The following STIM2 variants were observed in gnomAD, a reference collection of about 807,000 sequenced individuals.
STIM2 encodes the protein stromal interaction molecule 2.
STIM2 carries 31 observed loss-of-function variants against 85.8 expected under a neutral mutation model. The observed-to-expected ratio is 0.36, with a 90% CI of 0.27 to 0.49. The LOEUF is 0.49. Ranked by LOEUF, STIM2 falls within the 20% of genes least tolerant of loss-of-function variation. The probability of loss-of-function intolerance (pLI) is 0.98; values close to 1 mark genes in which losing one functional copy is unlikely to be tolerated. For synonymous variants in STIM2, 356 were observed against 331.1 expected, an observed-to-expected ratio of 1.08 and a Z score of -0.82; for missense variants, 841 against 927.6, an observed-to-expected ratio of 0.91 and a Z score of 1.21.
At chr4:26,960,228 A>C (rs1210052579) in intron 3 of STIM2, among the ~76,000 whole-genome samples, 1 of 152,210 alleles carries the variant, frequency 6.6e-6, no homozygotes, top group African/African-American at 2.4e-5. Flanking sequence ...CTTCTGAAAA[A>C]GTTTGAAAAC....
intron 3 of STIM2, among the ~76,000 whole-genome samples, chr4:26,970,219 A>ATG (rs1352828163): frequency 5.0e-4 from 11 of 21,838 alleles, no homozygotes; most frequent in African/African-American, 1.1e-3. Context: ...ATATATATAT[A>ATG]TATGTATATA....
At position 27,015,043 on chromosome 4, in the gene STIM2, A is replaced by G. The variant is rs539581158; in HGVS notation, c.1490-2668A>G. ...TCACGTTCTTCAAAATTTTTCCATTATTAGACACTAGATATATCTCTATAA... is the reference window on the plus strand; with the variant it reads ...TCACGTTCTTCAAAATTTTTCCATTGTTAGACACTAGATATATCTCTATAA... On this transcript the variant is annotated intron_variant, in intron 10 of 11. Coordinates refer to ENST00000467087, the MANE Select transcript of STIM2 (RefSeq NM_020860.4). Among the ~76,000 whole-genome samples, 42 of 152,018 alleles carry G rather than the reference A, an allele frequency of 2.8e-4. No homozygotes were observed. In the South Asian group the frequency reaches 8.7e-3, roughly 31 times the overall value.
In STIM2 at chr4:27,017,888, C is replaced by G; in HGVS notation, c.1667C>G (p.Ser556Cys). The change falls in exon 11 of 12, where the codon TCC becomes TGC. Residue 556 changes from serine (S) to cysteine (C), a missense_variant. By Grantham distance (112) the Ser-to-Cys change is moderately radical (BLOSUM62 -1). Coordinates refer to ENST00000467087, the MANE Select transcript of STIM2 (RefSeq NM_020860.4). ...CAACACACACCACACTCCTTGCCTT[C>G]CCCTGATCCAGATATCCTCTCAGTG... is the stretch of plus-strand genomic sequence containing the variant. The G allele has an allele frequency of 1.2e-6, 2 of 1,614,186 alleles. No homozygotes were observed. The highest frequency in any genetic ancestry group is 8.5e-7 in the Non-Finnish European group (1 of 1,180,034).
intron 2 of STIM2, among the ~76,000 whole-genome samples, chr4:26,956,443 CTTTT>C (rs545865394): frequency 1.5e-5 from 2 of 135,412 alleles, no homozygotes; most frequent in Non-Finnish European, 1.6e-5. Flanking sequence ...ATTTCAATGC[CTTTT>C]TTTTTTTTTT....
chr4:26,960,118 G>A (rs1424145068), intron 3 of STIM2, among the ~76,000 whole-genome samples: 4 of 152,194 alleles, frequency 2.6e-5, no homozygotes, highest in Non-Finnish European at 5.9e-5. Flanking sequence ...GGCTCCAGGA[G>A]GAGTCCCAGG....
intron 10 of STIM2, among the ~76,000 whole-genome samples, chr4:27,014,004 A>G (rs1428752555): frequency 6.6e-6 from 1 of 151,940 alleles, no homozygotes; most frequent in East Asian, 1.9e-4. Context: ...TGAGTTTTAA[A>G]ATTTATTGGC....
intron 1 of STIM2, among the ~76,000 whole-genome samples, chr4:26,899,979 A>G (rs946764199): frequency 6.6e-5 from 10 of 152,166 alleles, no homozygotes; most frequent in African/African-American, 2.4e-4. Flanking sequence ...TGCATTTGTA[A>G]AACAAGTATC....
At chr4:26,952,728 A>G (rs1338987690) in intron 2 of STIM2, among the ~76,000 whole-genome samples, 1 of 152,162 alleles carries the variant, frequency 6.6e-6, no homozygotes, top group Non-Finnish European at 1.5e-5. Flanking sequence ...TGGGCAGTTC[A>G]TGCTTTATTA....
intron 1 of STIM2, among the ~76,000 whole-genome samples, chr4:26,864,748 A>T (rs1429866180): frequency 2.6e-5 from 4 of 152,162 alleles, no homozygotes; most frequent in Non-Finnish European, 2.9e-5. Context: ...AAGATTTAAT[A>T]TATTCTTAGT....
In STIM2 at chr4:26,994,771, C is replaced by T. The variant is rs921933085; in HGVS notation, c.398-608C>T. ...CTTTTCCTCTCTTTGGGATATTTTT[C>T]ACCCATGTCTTCACAATGGGACTCC... On this transcript the variant is annotated intron_variant, in intron 3 of 11. Coordinates refer to ENST00000467087, the MANE Select transcript of STIM2 (RefSeq NM_020860.4). Among the ~76,000 whole-genome samples the T allele has an allele frequency of 4.6e-5, 7 of 152,156 alleles. No individual in the cohort carries two copies. In the East Asian group the frequency reaches 9.7e-4, roughly 21 times the overall value.
intron 2 of STIM2, among the ~76,000 whole-genome samples, chr4:26,939,899 G>A (rs1310353553): frequency 6.6e-6 from 1 of 152,162 alleles, no homozygotes; most frequent in Admixed American, 6.5e-5. Flanking sequence ...GGCATATAAT[G>A]TCATGTATGT....
intron 2 of STIM2, among the ~76,000 whole-genome samples, chr4:26,944,470 A>C (rs535173660): frequency 6.6e-6 from 1 of 152,142 alleles, no homozygotes; most frequent in South Asian, 2.1e-4. Context: ...GTCTTGCTCT[A>C]TTCCCACCAT....
At chr4:26,864,163 A>G (rs1224037885) in intron 1 of STIM2, among the ~76,000 whole-genome samples, 1 of 152,088 alleles carries the variant, frequency 6.6e-6, no homozygotes. Flanking sequence ...TTTAAATATT[A>G]CCTTTTCAGA....
rs530053039 is a variant in STIM2 at position 26,893,027 on chromosome 4, A to C, written c.152-26477A>C. ...ATTCATCTGTTTTCTGCATGAGGTA[A>C]ACAGGTAAGTTGAATGGGGATGTGT... On this transcript the variant is annotated intron_variant, in intron 1 of 11. Coordinates refer to ENST00000467087, the MANE Select transcript of STIM2 (RefSeq NM_020860.4). 3.3e-5 allele frequency among the ~76,000 whole-genome samples: 5 copies of C among 152,304 alleles called. No homozygotes were observed. In the South Asian group the frequency reaches 1.0e-3, roughly 32 times the overall value.
chr4:27,018,619 A>G (rs559612360), intron 11 of STIM2, among the ~76,000 whole-genome samples: 2 of 152,222 alleles, frequency 1.3e-5, no homozygotes, highest in Non-Finnish European at 2.9e-5. Flanking sequence ...AAACTGGAAG[A>G]AGGTGTGTGT....
chr4:26,884,377 T>C (rs1723133651), intron 1 of STIM2, among the ~76,000 whole-genome samples: 1 of 152,220 alleles, frequency 6.6e-6, no homozygotes, highest in Non-Finnish European at 1.5e-5. Context: ...ATAATAACTC[T>C]TAGAAAGCAT....
intron 5 of STIM2, among the ~76,000 whole-genome samples, chr4:27,001,456 A>C (rs953071327): frequency 6.6e-6 from 1 of 152,188 alleles, no homozygotes; most frequent in Non-Finnish European, 1.5e-5. Flanking sequence ...GACACCTAAA[A>C]CTGAATAATT....
rs1447702609 is a variant in STIM2 at position 26,919,488 on chromosome 4, C to CT, written c.152-13dup. 3 of 1,612,436 alleles carry CT rather than the reference C, an allele frequency of 1.9e-6. No homozygotes were observed. The highest frequency in any genetic ancestry group is 2.7e-5 in the African/African-American group (2 of 74,830). ...TTGGTATGGCAAGTTAGTAATTGCC[C>CT]TTTGTTCTCTTTCAGATCCCTGCAT... On this transcript the variant is annotated splice_polypyrimidine_tract_variant and intron_variant, in intron 1 of 11. Transcript: ENST00000467087.
chr4:26,996,981 C>G (rs1405791330), intron 4 of STIM2, among the ~76,000 whole-genome samples: 2 of 152,146 alleles, frequency 1.3e-5, no homozygotes, highest in African/African-American at 4.8e-5. Context: ...ACATCACACA[C>G]TTGTCAAGAT....
Sources: allele counts gnomAD v4.1 joint callset (sites outside exome capture counted in the v4.1 genomes callset), GRCh38; gene constraint gnomAD v4.1.1; transcripts MANE v1.5; gene names NCBI Gene and HGNC (gene_info 2026-07-23, HGNC 2026-07-21).